FCGR3B: variants seen among roughly 807,000 people sequenced by gnomAD.
FCGR3B encodes low affinity immunoglobulin gamma Fc region receptor III-B.
FCGR3B carries 20 observed loss-of-function variants against 26.7 expected under a neutral mutation model. The observed-to-expected ratio is 0.75, with a 90% confidence interval of 0.53 to 1.09. The LOEUF (loss-of-function observed/expected upper bound fraction) is 1.09, where lower values mean the gene tolerates loss of function less well. Among genes scored for constraint, FCGR3B ranks in the 50% least tolerant of loss-of-function variants. FCGR3B has a pLI of 0.00. For synonymous variants in FCGR3B, 79 were observed against 107.0 expected (o/e 0.74, Z 1.62); for missense variants, 191 against 279.7 (o/e 0.68, Z 2.26).
chr1:161,625,762 G>A (rs1423789100), intron 4 of FCGR3B, among the ~76,000 whole-genome samples: 1 of 142,236 alleles, frequency 7.0e-6, no homozygotes, highest in Non-Finnish European at 1.5e-5. Flanking sequence ...GGGGATGAGG[G>A]GCTCCTGCCA....
At chr1:161,630,726 A>C in intron 1 of FCGR3B, 1 of 555,568 alleles carries the variant, frequency 1.8e-6, no homozygotes, top group Non-Finnish European at 3.1e-6. Flanking sequence ...GGTAGAAATT[A>C]AAAACCATAG....
chr1:161,631,444 T>A, upstream of FCGR3B: 1 of 560,174 alleles, frequency 1.8e-6, no homozygotes, highest in African/African-American at 2.0e-5. Context: ...TGGATTTAGA[T>A]CCACCCAGCA....
intron 1 of FCGR3B, chr1:161,630,733 A>G: frequency 1.8e-6 from 1 of 551,816 alleles, no homozygotes; most frequent in Non-Finnish European, 3.1e-6. Context: ...ATTAAAAACC[A>G]TAGAGGAGAA....
chr1:161,628,427 T>A (rs1679583368), intron 3 of FCGR3B, among the ~76,000 whole-genome samples: 1 of 150,054 alleles, frequency 6.7e-6, no homozygotes, highest in Non-Finnish European at 1.5e-5. Context: ...TAGCCTTGAT[T>A]GGCTAGACTT....
chr1:161,626,376 A>C lies in FCGR3B; in HGVS notation c.346T>G (p.Trp116Gly), dbSNP rs747138881. Residue 116 changes from tryptophan (W) to glycine (G), a missense_variant, in exon 4 of 5, where the codon TGG becomes GGG. Physicochemically the swap from Trp to Gly is radical, Grantham distance 184 (BLOSUM62 -2). This residue lies in a region of FCGR3B where 88 missense variants were observed against 165.2 expected (regional missense o/e 0.53). Coordinates refer to ENST00000650385, the MANE Select transcript of FCGR3B (RefSeq NM_001244753.2). ...IGWLLLQAPR[W>G]VFKEEDPIHL... ...ATAGGGTCTTCCTCCTTGAACACCC[A>C]CCGAGGGGCCTGGAGCAACAGCCAG... The C allele has an allele frequency of 2.5e-5, 40 of 1,608,942 alleles. 2 individuals carry two copies. The highest frequency in any genetic ancestry group is 3.2e-5 in the Non-Finnish European group (38 of 1,178,118).
intron 4 of FCGR3B, among the ~76,000 whole-genome samples, chr1:161,624,841 A>G (rs1419575148): frequency 6.7e-5 from 10 of 148,184 alleles, no homozygotes; most frequent in Non-Finnish European, 1.5e-4. Context: ...ACAGCTCACC[A>G]AACACTTAGC....
At chr1:161,626,976 A>G (rs1241275963) in intron 3 of FCGR3B, among the ~76,000 whole-genome samples, 1 of 149,896 alleles carries the variant, frequency 6.7e-6, no homozygotes, top group Non-Finnish European at 1.5e-5. Flanking sequence ...TAGTGCTCAG[A>G]GTGGCAATTC....
intron 3 of FCGR3B, among the ~76,000 whole-genome samples, chr1:161,628,827 C>A (rs1190429600): frequency 6.9e-6 from 1 of 144,978 alleles, no homozygotes; most frequent in African/African-American, 2.6e-5. Flanking sequence ...TGTAGGGACA[C>A]CAGGAAAGAC....
rs966114572 is a variant in FCGR3B at position 161,624,965 on chromosome 1, C to T, written c.578-326G>A. On this transcript the variant is annotated intron_variant, in intron 4 of 4. Transcript: ENST00000650385. Reference sequence around the variant, plus strand: ...GTCAGACAATGCTATGGTCTAGAAACTGGGATAAATTTGTTGATTTTGCAT... The same window carrying T: ...GTCAGACAATGCTATGGTCTAGAAATTGGGATAAATTTGTTGATTTTGCAT... Among the ~76,000 whole-genome samples, 3 of 138,556 alleles carry T rather than the reference C, an allele frequency of 2.2e-5. No individual in the cohort carries two copies. In the Admixed American group the frequency reaches 2.2e-4, roughly 10 times the overall value. The allele number at this position is 138,556 out of a possible 152,430, so 90.9% of individuals were successfully genotyped here.
rs577906152 is a variant in FCGR3B, at chr1:161,631,131, C to A, written c.-37G>T. 96 of 1,607,750 alleles carry A rather than the reference C, an allele frequency of 6.0e-5. 4 individuals are homozygous for A. In the Admixed American group the frequency reaches 1.3e-3, roughly 22 times the overall value. On this transcript the variant is annotated 5_prime_UTR_variant, in exon 1 of 5. Coordinates refer to ENST00000650385, the MANE Select transcript of FCGR3B (RefSeq NM_001244753.2). ...GGAGTGGACAAGTCACCAAAGATAT[C>A]CGGAGCCCTAAAGGGACCAAGCCGA...
In FCGR3B at chr1:161,626,224, A is replaced by G. The variant is rs71632957; in HGVS notation, c.498T>C (p.Asp166=). 3.8e-3 allele frequency: 5,987 copies of G among 1,557,940 alleles called. 497 individuals carry two copies. In the African/African-American group the frequency reaches 0.066, roughly 17 times the overall value. Residue 166 remains aspartate, a synonymous_variant, in exon 4 of 5, where the codon GAT becomes GAC. Transcript: ENST00000650385. ...DFHIPKATLK[D]SGSYFCRGLV... ...GCCCCCTGCAGAAGTAGGAGCCGCT[A>G]TCTTTGAGTGTGGCTTTTGGAATGT...
At chr1:161,631,408 T>A (rs529133204), upstream of FCGR3B, 566 of 581,048 alleles carry the variant, frequency 9.7e-4, 19 homozygotes, top group East Asian at 8.6e-3. Context: ...GCCCTCAGCT[T>A]TCCCAGGATG....
At chr1:161,625,868 G>A (rs1311463889) in intron 4 of FCGR3B, among the ~76,000 whole-genome samples, 7 of 148,110 alleles carry the variant, frequency 4.7e-5, no homozygotes, top group Non-Finnish European at 8.9e-5. Flanking sequence ...AAAGACAGAG[G>A]TATTTATTGG....
In FCGR3B at chr1:161,626,445, C is replaced by T. The variant is rs569831380; in HGVS notation, c.320-43G>A. 271 of 1,598,888 alleles carry T rather than the reference C, an allele frequency of 1.7e-4. 8 individuals carry two copies. The East Asian group carries it at 6.0e-3, about 35-fold the overall frequency. ...ACCCCAGGCCCGGGAGGCCTCAGCT[C>T]TCAGTGCAGAGCTTTGTGAAGGGGC... On this transcript the variant is annotated intron_variant, in intron 3 of 4. Transcript: ENST00000650385.
In FCGR3B at chr1:161,626,221, G is replaced by A. The variant is rs372871192; in HGVS notation, c.501C>T (p.Ser167=). ...CAAGCCCCCTGCAGAAGTAGGAGCCGCTATCTTTGAGTGTGGCTTTTGGAA... is the reference window on the plus strand; with the variant it reads ...CAAGCCCCCTGCAGAAGTAGGAGCCACTATCTTTGAGTGTGGCTTTTGGAA... ...FHIPKATLKD[S]GSYFCRGLVG... is the part of the protein sequence containing the mutation. The change falls in exon 4 of 5, where the codon AGC becomes AGT. Residue 167 remains serine, a synonymous_variant. Transcript: ENST00000650385. 31 of 1,608,368 alleles carry A rather than the reference G, an allele frequency of 1.9e-5. 1 individual carries two copies. The Middle Eastern group carries it at 5.0e-4, about 26-fold the overall frequency.
Position 161,626,387 on chromosome 1 carries a change from T to G in FCGR3B, c.335A>C (p.Gln112Pro), listed in dbSNP as rs1476016192. ...CTCCTTGAACACCCACCGAGGGGCCTGGAGCAACAGCCAGCCTGAAAGACA... is the reference window on the plus strand; with the variant it reads ...CTCCTTGAACACCCACCGAGGGGCCGGGAGCAACAGCCAGCCTGAAAGACA... ...LEVHIGWLLL[Q>P]APRWVFKEED... Residue 112 changes from glutamine (Q) to proline (P), a missense_variant, in exon 4 of 5, where the codon CAG (glutamine) becomes CCG (proline). Around this residue, in one of 2 missense-constraint regions of FCGR3B, gnomAD observed 88 missense variants for 165.2 expected, o/e 0.53. Transcript: ENST00000650385. The G allele has an allele frequency of 1.2e-5, 19 of 1,608,936 alleles. 1 individual carries two copies. Among genetic ancestry groups the G allele is most frequent in the African/African-American group, 4.1e-5 (3 of 73,312 alleles).
At chr1:161,628,436 T>C (rs1418808076) in intron 3 of FCGR3B, among the ~76,000 whole-genome samples, 1 of 149,994 alleles carries the variant, frequency 6.7e-6, no homozygotes, top group East Asian at 1.9e-4. Context: ...TTGGCTAGAC[T>C]TCTAAAGCCA....
In FCGR3B at chr1:161,630,373, C is replaced by T. The variant is rs562294556; in HGVS notation, c.56G>A (p.Arg19Gln). 3.0e-5 allele frequency: 48 copies of T among 1,605,356 alleles called. 1 individual carries two copies. The highest frequency in any genetic ancestry group is 1.8e-4 in the East Asian group (8 of 44,718). ...AGACCATGAAGCTGACTCACCAGTC[C>T]GCATGCCAGCTGAAACTGCAAGAAA... ...ALLLLVSAGM[R>Q]TEDLPKAVVF... The change falls in exon 2 of 5, where the codon CGG (arginine) becomes CAG (glutamine). Residue 19 changes from arginine to glutamine, a missense_variant. By Grantham distance (43) the Arg-to-Gln change is conservative. This residue lies in a region of FCGR3B where 88 missense variants were observed against 165.2 expected (regional missense o/e 0.53). Coordinates refer to ENST00000650385, the MANE Select transcript of FCGR3B (RefSeq NM_001244753.2).
chr1:161,630,398 A>C lies in FCGR3B; in HGVS notation c.41-10T>G. Reference sequence around the variant, plus strand: ...CGCATGCCAGCTGAAACTGCAAGAAAAAAGAGTAAATCAAATATTGAGTAG... The same window carrying C: ...CGCATGCCAGCTGAAACTGCAAGAACAAAGAGTAAATCAAATATTGAGTAG... On this transcript the variant is annotated splice_polypyrimidine_tract_variant and intron_variant, in intron 1 of 4. Coordinates refer to ENST00000650385, the MANE Select transcript of FCGR3B (RefSeq NM_001244753.2). 1.2e-6 allele frequency: 2 copies of C among 1,605,988 alleles called. No homozygotes were observed. Among genetic ancestry groups the C allele is most frequent in the Non-Finnish European group, 1.7e-6 (2 of 1,176,458 alleles).
Sources: allele counts gnomAD v4.1 joint callset (sites outside exome capture counted in the v4.1 genomes callset), GRCh38; gene constraint gnomAD v4.1.1; regional missense constraint gnomAD v4.1.1; transcripts MANE v1.5; gene names NCBI Gene and HGNC (gene_info 2026-07-23, HGNC 2026-07-21).